ZBTB20: variants seen among roughly 807,000 people sequenced by gnomAD.
ZBTB20 encodes the protein zinc finger and BTB domain-containing protein 20.
ZBTB20 carries 9 observed loss-of-function variants against 56.9 expected under a neutral mutation model. The ratio of observed to expected loss-of-function variants is 0.16; its 90% CI spans 0.10 to 0.28. The LOEUF (loss-of-function observed/expected upper bound fraction) is 0.28, where lower values mean the gene tolerates loss of function less well. ZBTB20 is among the 10% of genes least tolerant of loss of function. ZBTB20 has a pLI of 1.00. For missense variants in ZBTB20, 655 were observed against 1,003.0 expected (o/e 0.65, Z 4.69); for synonymous variants, 417 against 420.7 (o/e 0.99, Z 0.11).
intron 6 of ZBTB20, among the ~76,000 whole-genome samples, chr3:114,581,403 T>C (rs1363693802): frequency 6.6e-6 from 1 of 151,898 alleles, no homozygotes; most frequent in African/African-American, 2.4e-5. Context: ...TGAAGGAAAA[T>C]ATCAATAAGC....
intron 5 of ZBTB20, among the ~76,000 whole-genome samples, chr3:114,778,186 G>A (rs1354808042): frequency 1.3e-5 from 2 of 149,526 alleles, no homozygotes; most frequent in African/African-American, 4.9e-5. Flanking sequence ...CATGGCACAT[G>A]TGTACATATG....
At chr3:114,945,745 C>A (rs1460357778) in intron 3 of ZBTB20, among the ~76,000 whole-genome samples, 1 of 145,094 alleles carries the variant, frequency 6.9e-6, no homozygotes, top group East Asian at 1.9e-4. Context: ...AATACAATGT[C>A]AGACTTTGAA....
Position 114,339,429 on chromosome 3 carries a change from GT to G in ZBTB20, c.1805-4del, listed in dbSNP as rs1374193372. ...GCTGCATTGGTGGGGCTTCTCACCT[GT>G]TGATGTAGGAAGAGACAGCAAGCAG... is the stretch of plus-strand genomic sequence containing the variant. On this transcript the variant is annotated splice_polypyrimidine_tract_variant and splice_region_variant and intron_variant, in intron 11 of 11. Coordinates refer to ENST00000675478, the MANE Select transcript of ZBTB20 (RefSeq NM_001348800.3). This position sits in a 1 kb window ranked among gnomAD's most constrained non-coding sequence, Gnocchi z 4.2. 2 of 1,611,550 alleles carry G rather than the reference GT, an allele frequency of 1.2e-6. No homozygotes were observed. The highest frequency in any genetic ancestry group is 4.5e-5 in the East Asian group (2 of 44,834).
chr3:114,792,683 G>A (rs72956238), intron 5 of ZBTB20, among the ~76,000 whole-genome samples: 2,471 of 152,056 alleles, frequency 0.016, 77 homozygotes, highest in African/African-American at 0.056. Context: ...CCTAAAGTTG[G>A]CACACATGGA....
intron 1 of ZBTB20, among the ~76,000 whole-genome samples, chr3:115,137,647 T>A (rs986704875): frequency 6.6e-6 from 1 of 152,068 alleles, no homozygotes; most frequent in African/African-American, 2.4e-5. Context: ...ATTCCATGAA[T>A]ATGGGAAGGA....
At chr3:114,972,854 G>GACAC (rs150823537) in intron 3 of ZBTB20, among the ~76,000 whole-genome samples, 19 of 149,448 alleles carry the variant, frequency 1.3e-4, no homozygotes, top group African/African-American at 4.2e-4. Flanking sequence ...CTCTCTCACA[G>GACAC]ACACACACAC....
At chr3:115,146,609 G>A (rs921894529) in intron 1 of ZBTB20, among the ~76,000 whole-genome samples, 2 of 152,330 alleles carry the variant, frequency 1.3e-5, no homozygotes, top group Admixed American at 1.3e-4. Flanking sequence ...GAAGCAGGCG[G>A]GGGCCGGGAG....
chr3:114,905,552 C>T (rs2075288473), intron 3 of ZBTB20, among the ~76,000 whole-genome samples: 1 of 151,828 alleles, frequency 6.6e-6, no homozygotes, highest in African/African-American at 2.4e-5. Flanking sequence ...GTAGGTAGGT[C>T]TTAAATATTG....
At chr3:115,017,382 G>A (rs888491011) in intron 2 of ZBTB20, among the ~76,000 whole-genome samples, 1 of 151,422 alleles carries the variant, frequency 6.6e-6, no homozygotes, top group Non-Finnish European at 1.5e-5. Context: ...AAACTAGAAA[G>A]GACACAAACA....
intron 5 of ZBTB20, among the ~76,000 whole-genome samples, chr3:114,725,901 G>A (rs1053748777): frequency 1.3e-5 from 2 of 152,350 alleles, no homozygotes; most frequent in Non-Finnish European, 2.9e-5. Context: ...TACATACTGT[G>A]TGAGGCAGGG....
intron 11 of ZBTB20, among the ~76,000 whole-genome samples, chr3:114,343,296 A>G (rs1159290197): frequency 6.6e-6 from 1 of 152,046 alleles, no homozygotes; most frequent in African/African-American, 2.4e-5. Context: ...CTCAGCAAGA[A>G]CCCACTTATT....
At chr3:114,923,086 A>G (rs1004698409) in intron 3 of ZBTB20, among the ~76,000 whole-genome samples, 1 of 152,234 alleles carries the variant, frequency 6.6e-6, no homozygotes, top group African/African-American at 2.4e-5. Context: ...GAAGACAAAA[A>G]CAAGTGTAAA....
At chr3:114,670,276 A>G (rs2061292077) in intron 6 of ZBTB20, among the ~76,000 whole-genome samples, 1 of 152,030 alleles carries the variant, frequency 6.6e-6, no homozygotes, top group Non-Finnish European at 1.5e-5. Context: ...TTATTTCTTT[A>G]CACTTAGAAC....
intron 10 of ZBTB20, among the ~76,000 whole-genome samples, chr3:114,363,506 A>G (rs1014906434): frequency 6.6e-6 from 1 of 152,228 alleles, no homozygotes; most frequent in African/African-American, 2.4e-5. Flanking sequence ...GAGCTGGGTC[A>G]GTATACTGAT....
chr3:114,605,133 A>G (rs1276878080), intron 6 of ZBTB20, among the ~76,000 whole-genome samples: 1 of 152,126 alleles, frequency 6.6e-6, no homozygotes, highest in East Asian at 1.9e-4. Flanking sequence ...AGAAGTTCCT[A>G]AAGGAGAAGC....
intron 2 of ZBTB20, among the ~76,000 whole-genome samples, chr3:114,984,818 C>A (rs1560463021): frequency 6.6e-6 from 1 of 152,026 alleles, no homozygotes; most frequent in Non-Finnish European, 1.5e-5. Flanking sequence ...CACACAGACA[C>A]AGAAACAAAC....
chr3:114,595,685 T>C (rs1051226343), intron 6 of ZBTB20, among the ~76,000 whole-genome samples: 1 of 152,188 alleles, frequency 6.6e-6, no homozygotes, highest in African/African-American at 2.4e-5. Flanking sequence ...CTGGGCAAAG[T>C]CTTGCATGCT....
intron 4 of ZBTB20, among the ~76,000 whole-genome samples, chr3:114,879,409 C>A (rs2076313483): frequency 3.9e-5 from 6 of 152,062 alleles, no homozygotes. Flanking sequence ...TAATTAGACA[C>A]TGCACTTTAA....
intron 2 of ZBTB20, among the ~76,000 whole-genome samples, chr3:114,992,097 A>C (rs1576508664): frequency 6.6e-6 from 1 of 150,400 alleles, no homozygotes; most frequent in South Asian, 2.1e-4. Flanking sequence ...TGTCTTTTTT[A>C]CTCCCTCCAC....
Sources: gnomAD v4.1 joint callset for allele counts (sites outside exome capture counted in the v4.1 genomes callset) on GRCh38, gnomAD v4.1.1 for gene constraint, Gnocchi (gnomAD v3.1) non-coding constraint, MANE v1.5 for transcripts, NCBI Gene and HGNC (gene_info 2026-07-23, HGNC 2026-07-21) for gene names.